RAB38: variants seen among roughly 807,000 people sequenced by gnomAD.
RAB38 encodes the protein ras-related protein Rab-38.
In RAB38, 15 loss-of-function variants were observed where a neutral mutation model predicts 18.4. The ratio of observed to expected loss-of-function variants is 0.82; its 90% CI spans 0.55 to 1.26. The LOEUF is 1.26. Among genes scored for constraint, RAB38 ranks in the 50% most tolerant of loss-of-function variants. The probability of loss-of-function intolerance (pLI) is 0.00; values close to 1 mark genes in which losing one functional copy is unlikely to be tolerated. For missense variants in RAB38, 294 were observed against 267.4 expected, an observed-to-expected ratio of 1.10 and a Z score of -0.69; for synonymous variants, 101 against 104.4, an observed-to-expected ratio of 0.97 and a Z score of 0.20.
the RAB38 span, among the ~76,000 whole-genome samples, chr11:87,809,378 T>A: frequency 6.6e-6 from 1 of 152,238 alleles, no homozygotes; most frequent in African/African-American, 2.4e-5. Flanking sequence ...GACTTTCAAA[T>A]GTGATAGACA....
chr11:88,011,369 C>T, the RAB38 span, among the ~76,000 whole-genome samples: 2 of 152,172 alleles, frequency 1.3e-5, no homozygotes. Flanking sequence ...AATCTTTTAA[C>T]TAGGCCCATC....
At chr11:88,012,285 T>A in the RAB38 span, among the ~76,000 whole-genome samples, 6 of 152,124 alleles carry the variant, frequency 3.9e-5, no homozygotes, top group Non-Finnish European at 8.8e-5. Context: ...ACTGTTCAGA[T>A]ACTTGGAAGG....
the RAB38 span, among the ~76,000 whole-genome samples, chr11:88,059,974 T>A: frequency 7.9e-5 from 12 of 152,190 alleles, no homozygotes; most frequent in African/African-American, 2.7e-4. Context: ...TAAAAGTAAG[T>A]CTTTGTGATT....
Position 88,175,396 on chromosome 11 carries a change from G to A in RAB38, c.-12C>T, listed in dbSNP as rs1943377145. Reference sequence around the variant, plus strand: ...TGCGGGGCCTGCATCCTGGCGGCCGGCCAGACGTGCCGTGCCTGACCAGGG... The same window carrying A: ...TGCGGGGCCTGCATCCTGGCGGCCGACCAGACGTGCCGTGCCTGACCAGGG... On this transcript the variant is annotated 5_prime_UTR_variant, in exon 1 of 3. Transcript: ENST00000243662. 1 of 1,613,026 alleles carries A rather than the reference G, an allele frequency of 6.2e-7. No homozygotes were observed. Among genetic ancestry groups the A allele is most frequent in the East Asian group, 2.2e-5 (1 of 44,824 alleles).
At chr11:87,845,439 C>T in the RAB38 span, among the ~76,000 whole-genome samples, 5 of 151,932 alleles carry the variant, frequency 3.3e-5, no homozygotes, top group African/African-American at 1.2e-4. Flanking sequence ...ACTGAAAATG[C>T]AACATCCAAA....
downstream of RAB38, among the ~76,000 whole-genome samples, chr11:88,112,793 A>AAAAT (rs143819817): frequency 6.6e-5 from 9 of 136,052 alleles, no homozygotes; most frequent in East Asian, 2.0e-4. Context: ...ACAACAACAA[A>AAAAT]ATATATATAT....
chr11:87,866,572 C>G, the RAB38 span, among the ~76,000 whole-genome samples: 3 of 151,652 alleles, frequency 2.0e-5, no homozygotes, highest in Non-Finnish European at 2.9e-5. Flanking sequence ...GTATACTTAT[C>G]GACAGAACTA....
At chr11:87,911,506 ATATTT>A in the RAB38 span, among the ~76,000 whole-genome samples, 1 of 151,468 alleles carries the variant, frequency 6.6e-6, no homozygotes, top group Admixed American at 6.6e-5. Context: ...AGATTTATAC[ATATTT>A]TATATTTTTG....
At chr11:87,809,904 GT>G in the RAB38 span, among the ~76,000 whole-genome samples, 3 of 151,896 alleles carry the variant, frequency 2.0e-5, no homozygotes, top group Non-Finnish European at 2.9e-5. Flanking sequence ...GATTTATCCA[GT>G]TTCAAAATAT....
At chr11:87,935,277 G>C in the RAB38 span, among the ~76,000 whole-genome samples, 16 of 152,052 alleles carry the variant, frequency 1.1e-4, no homozygotes, top group Admixed American at 7.9e-4. Flanking sequence ...CTGATCCTTT[G>C]ATTTTGAACT....
the RAB38 span, among the ~76,000 whole-genome samples, chr11:87,905,392 T>C: frequency 2.6e-5 from 4 of 151,794 alleles, no homozygotes; most frequent in Admixed American, 6.6e-5. Context: ...AGGGCATATA[T>C]TCCTGTGTCT....
the RAB38 span, chr11:87,817,557 C>G: frequency 6.6e-6 from 1 of 152,208 alleles, no homozygotes; most frequent in East Asian, 1.9e-4. Context: ...TATCTGAAAG[C>G]TTGGTAGTAT....
chr11:87,886,132 C>T, the RAB38 span, among the ~76,000 whole-genome samples: 7 of 151,936 alleles, frequency 4.6e-5, no homozygotes, highest in South Asian at 6.2e-4. Context: ...CAATAAATAG[C>T]GTGGGCTCCC....
the RAB38 span, among the ~76,000 whole-genome samples, chr11:87,868,466 G>A: frequency 6.8e-4 from 103 of 151,466 alleles, no homozygotes; most frequent in African/African-American, 2.0e-3. Flanking sequence ...CCAGCTTCAA[G>A]TATTCTTTTA....
chr11:87,881,177 C>T, the RAB38 span, among the ~76,000 whole-genome samples: 2 of 151,800 alleles, frequency 1.3e-5, no homozygotes, highest in Non-Finnish European at 2.9e-5. Context: ...TCTCCAGTGC[C>T]TAACAGCACC....
the RAB38 span, among the ~76,000 whole-genome samples, chr11:87,893,382 A>ATG: frequency 2.0e-3 from 72 of 35,132 alleles, 1 homozygote; most frequent in African/African-American, 2.7e-3. Context: ...ATATATATAT[A>ATG]TATATATATT....
chr11:87,867,096 C>T, the RAB38 span, among the ~76,000 whole-genome samples: 1 of 151,786 alleles, frequency 6.6e-6, no homozygotes, highest in East Asian at 1.9e-4. Context: ...CTCTGGTTTG[C>T]ATCCAGCTCA....
chr11:87,952,885 CTCA>C, the RAB38 span, among the ~76,000 whole-genome samples: 8 of 152,190 alleles, frequency 5.3e-5, no homozygotes, highest in African/African-American at 1.4e-4. Flanking sequence ...CAATCATAAG[CTCA>C]TCAGTCTGAG....
At chr11:87,938,651 G>A in the RAB38 span, among the ~76,000 whole-genome samples, 3 of 49,352 alleles carry the variant, frequency 6.1e-5, no homozygotes, top group Non-Finnish European at 1.2e-4. Context: ...TGTTGTTGTT[G>A]TTGTTGTTTT....
Sources: gnomAD v4.1 joint callset for allele counts (sites outside exome capture counted in the v4.1 genomes callset) on GRCh38, gnomAD v4.1.1 for gene constraint, MANE v1.5 for transcripts, NCBI Gene and HGNC (gene_info 2026-07-23, HGNC 2026-07-21) for gene names.